Variants in SLC6A16 observed in about 807,000 individuals in gnomAD.
SLC6A16 encodes the protein orphan sodium- and chloride-dependent neurotransmitter transporter NTT5.
In SLC6A16, 54 loss-of-function variants were observed where a neutral mutation model predicts 65.4. The observed-to-expected ratio is 0.83, with a 90% CI of 0.66 to 1.04. The LOEUF (loss-of-function observed/expected upper bound fraction) is 1.04, where lower values mean the gene tolerates loss of function less well. Among genes scored for constraint, SLC6A16 ranks in the 50% least tolerant of loss-of-function variants. The probability of loss-of-function intolerance (pLI) is 0.00; values close to 1 mark genes in which losing one functional copy is unlikely to be tolerated. For missense variants in SLC6A16, 816 were observed against 914.0 expected, an observed-to-expected ratio of 0.89 and a Z score of 1.38; for synonymous variants, 330 against 346.5, an observed-to-expected ratio of 0.95 and a Z score of 0.53.
upstream of SLC6A16, among the ~76,000 whole-genome samples, chr19:49,328,629 G>T (rs1293182609): frequency 6.6e-6 from 1 of 152,214 alleles, no homozygotes; most frequent in Non-Finnish European, 1.5e-5. Flanking sequence ...TTGATGGATT[G>T]TGTGGTGGTT....
chr19:49,307,579 C>T (rs1970416489), intron 7 of SLC6A16, among the ~76,000 whole-genome samples: 1 of 150,592 alleles, frequency 6.6e-6, no homozygotes, highest in African/African-American at 2.4e-5. Flanking sequence ...GCCTGTAATC[C>T]CAGCTCTTTG....
upstream of SLC6A16, among the ~76,000 whole-genome samples, chr19:49,325,854 A>C (rs1357120174): frequency 6.6e-6 from 1 of 152,198 alleles, no homozygotes; most frequent in African/African-American, 2.4e-5. Context: ...TAAAATAACT[A>C]TAATTTCTAC....
chr19:49,303,350 A>G (rs1970323341), intron 7 of SLC6A16, among the ~76,000 whole-genome samples: 2 of 152,300 alleles, frequency 1.3e-5, no homozygotes, highest in East Asian at 3.9e-4. Context: ...AACCAAGAAT[A>G]CTTTAAAAAG....
At position 49,319,066 on chromosome 19, in the gene SLC6A16, A is replaced by G. The variant is rs139856001; in HGVS notation, c.-65+5982T>C. ...TTCTAGAGATGATACAACACCTGAAATGAAAATTTCACTGAAGATTACTGG... is the reference window on the plus strand; with the variant it reads ...TTCTAGAGATGATACAACACCTGAAGTGAAAATTTCACTGAAGATTACTGG... On this transcript the variant is annotated intron_variant, in intron 1 of 11. Coordinates refer to ENST00000335875, the MANE Select transcript of SLC6A16 (RefSeq NM_014037.3). 2.7e-3 allele frequency among the ~76,000 whole-genome samples: 418 copies of G among 152,058 alleles called. 5 individuals carry two copies. The highest frequency in any genetic ancestry group is 9.2e-3 in the African/African-American group (383 of 41,484).
At chr19:49,338,714 C>T in the SLC6A16 span, 1 of 1,611,588 alleles carries the variant, frequency 6.2e-7, no homozygotes, top group Non-Finnish European at 8.5e-7. This position sits in a 1 kb window ranked among gnomAD's most constrained non-coding sequence, Gnocchi z 5.0. Flanking sequence ...GCTGCTGCGG[C>T]TGGCACTACC....
At chr19:49,317,919 G>A (rs1420047893) in intron 1 of SLC6A16, among the ~76,000 whole-genome samples, 4 of 152,114 alleles carry the variant, frequency 2.6e-5, no homozygotes, top group Admixed American at 1.3e-4. Context: ...CTAATTGCAC[G>A]ATTGCCCCAT....
At chr19:49,313,970 C>T (rs1600644228) in intron 1 of SLC6A16, among the ~76,000 whole-genome samples, 1 of 152,080 alleles carries the variant, frequency 6.6e-6, no homozygotes, top group East Asian at 1.9e-4. Flanking sequence ...GTGGCGGGCG[C>T]CTGTAGTCCC....
intron 10 of SLC6A16, 136 bp downstream of exon 10, chr19:49,293,083 GAATA>G: frequency 1.5e-6 from 1 of 688,604 alleles, no homozygotes; most frequent in Non-Finnish European, 2.4e-6. Context: ...ATGGATGAAT[GAATA>G]AAAAGATTTC....
the SLC6A16 span, among the ~76,000 whole-genome samples, chr19:49,330,524 AGAAG>A: frequency 1.3e-5 from 2 of 152,202 alleles, no homozygotes; most frequent in Non-Finnish European, 2.9e-5. Context: ...CAGCCAGTGA[AGAAG>A]GAAGGAGGAA....
the SLC6A16 span, chr19:49,338,099 C>A: frequency 6.4e-7 from 1 of 1,570,060 alleles, no homozygotes; most frequent in Non-Finnish European, 8.6e-7. The surrounding 1 kb of genome is among the most constrained non-coding windows in gnomAD (Gnocchi z 5.0). Flanking sequence ...GAGACTCCAC[C>A]CCAACGTGGG....
intron 7 of SLC6A16, 51 bp downstream of exon 7, chr19:49,308,825 G>A (rs759457721): frequency 3.1e-5 from 50 of 1,607,758 alleles, no homozygotes; most frequent in Non-Finnish European, 4.2e-5. Flanking sequence ...AGGGTCTCAG[G>A]GTTTTAAAGT....
At chr19:49,311,550 G>GA in intron 1 of SLC6A16, 139 bp from the exon 2 acceptor site, 1 of 512,074 alleles carries the variant, frequency 2.0e-6, no homozygotes, top group South Asian at 3.6e-5. Context: ...TCTTGCATAA[G>GA]TTTCACTTCT....
the SLC6A16 span, chr19:49,335,818 C>T: frequency 2.5e-6 from 4 of 1,569,250 alleles, no homozygotes; most frequent in South Asian, 4.4e-5. This position sits in a 1 kb window ranked among gnomAD's most constrained non-coding sequence, Gnocchi z 4.6. Context: ...GGGAGGGCCT[C>T]CCCCAACCCA....
chr19:49,324,825 G>C (rs917180166), intron 1 of SLC6A16, among the ~76,000 whole-genome samples: 2 of 152,236 alleles, frequency 1.3e-5, no homozygotes, highest in African/African-American at 2.4e-5. Flanking sequence ...GACTGGATGA[G>C]TGAGGAGAGC....
chr19:49,323,949 G>C (rs761324861), intron 1 of SLC6A16, among the ~76,000 whole-genome samples: 1 of 152,162 alleles, frequency 6.6e-6, no homozygotes, highest in Non-Finnish European at 1.5e-5. Context: ...AGGATTGCTT[G>C]AGCCCAGAAG....
chr19:49,300,928 T>G (rs972301121), intron 7 of SLC6A16, among the ~76,000 whole-genome samples: 2 of 152,066 alleles, frequency 1.3e-5, no homozygotes, highest in Non-Finnish European at 2.9e-5. Context: ...GGCACGTTCC[T>G]GTAATCCCAT....
chr19:49,304,400 T>A (rs940749938), intron 7 of SLC6A16, among the ~76,000 whole-genome samples: 1 of 152,226 alleles, frequency 6.6e-6, no homozygotes, highest in Non-Finnish European at 1.5e-5. Context: ...GTGTCACCCT[T>A]GTTATCGATC....
the SLC6A16 span, among the ~76,000 whole-genome samples, chr19:49,334,468 C>A: frequency 1.3e-5 from 2 of 151,902 alleles, no homozygotes; most frequent in East Asian, 3.9e-4. Flanking sequence ...GCCTGGGCGA[C>A]CCTGTCTCAA....
chr19:49,338,086 G>A, the SLC6A16 span: 7 of 1,591,040 alleles, frequency 4.4e-6, no homozygotes, highest in African/African-American at 1.3e-5. This position sits in a 1 kb window ranked among gnomAD's most constrained non-coding sequence, Gnocchi z 5.0. Context: ...CCTGTGCTTG[G>A]AGGAGACTCC....
Sources: allele counts gnomAD v4.1 joint callset (sites outside exome capture counted in the v4.1 genomes callset), GRCh38; gene constraint gnomAD v4.1.1; non-coding constraint Gnocchi (gnomAD v3.1); transcripts MANE v1.5; gene names NCBI Gene and HGNC (gene_info 2026-07-23, HGNC 2026-07-21).